DUSP16: variants seen among roughly 807,000 people sequenced by gnomAD.
DUSP16 encodes dual specificity protein phosphatase 16.
In DUSP16, 21 loss-of-function variants were observed where a neutral mutation model predicts 58.3. The observed-to-expected ratio is 0.36, with a 90% CI of 0.26 to 0.52. The LOEUF (loss-of-function observed/expected upper bound fraction) is 0.52. Among genes scored for constraint, DUSP16 ranks in the 20% least tolerant of loss-of-function variants. The pLI is 0.94. For synonymous variants in DUSP16, 320 were observed against 323.8 expected (o/e 0.99, Z 0.12); for missense variants, 726 against 819.0 (o/e 0.89, Z 1.39).
At chr12:12,557,604 T>A (rs907705797) in intron 1 of DUSP16, among the ~76,000 whole-genome samples, 2 of 152,218 alleles carry the variant, frequency 1.3e-5, no homozygotes, top group Non-Finnish European at 2.9e-5. Flanking sequence ...CACATGAATA[T>A]TAAAAAGTTA....
At chr12:12,514,899 T>A (rs1181534795) in intron 3 of DUSP16, among the ~76,000 whole-genome samples, 1 of 152,162 alleles carries the variant, frequency 6.6e-6, no homozygotes, top group East Asian at 1.9e-4. Flanking sequence ...GCTCAAGTGA[T>A]CCTCCTGCCT....
intron 1 of DUSP16, among the ~76,000 whole-genome samples, chr12:12,541,855 A>G (rs1944564306): frequency 6.6e-6 from 1 of 152,238 alleles, no homozygotes; most frequent in Non-Finnish European, 1.5e-5. Context: ...GGACCCACAA[A>G]AACTTGTATA....
At chr12:12,543,045 T>A (rs1944589613) in intron 1 of DUSP16, among the ~76,000 whole-genome samples, 1 of 152,150 alleles carries the variant, frequency 6.6e-6, no homozygotes, top group South Asian at 2.1e-4. Context: ...GATCTCAGAC[T>A]TTTAGCCTTC....
chr12:12,538,645 T>C (rs1392277250), intron 1 of DUSP16, among the ~76,000 whole-genome samples: 1 of 152,200 alleles, frequency 6.6e-6, no homozygotes, highest in Admixed American at 6.5e-5. Flanking sequence ...TGGGTGTGGC[T>C]GTGGAGAGTT....
At chr12:12,539,751 TAAAAAAAA>T (rs71061077) in intron 1 of DUSP16, among the ~76,000 whole-genome samples, 1 of 139,528 alleles carries the variant, frequency 7.2e-6, no homozygotes, top group African/African-American at 2.7e-5. Context: ...AGCAGTTATT[TAAAAAAAA>T]AAAAAAAAAG....
intron 3 of DUSP16, among the ~76,000 whole-genome samples, chr12:12,509,353 AT>A (rs1944043253): frequency 6.8e-6 from 1 of 147,098 alleles, no homozygotes; most frequent in Non-Finnish European, 1.5e-5. Flanking sequence ...CTATAGCAGT[AT>A]GGTCCCAAAA....
At chr12:12,544,375 G>C (rs1465075489) in intron 1 of DUSP16, among the ~76,000 whole-genome samples, 4 of 152,132 alleles carry the variant, frequency 2.6e-5, no homozygotes, top group Non-Finnish European at 5.9e-5. Context: ...TGGACATGTG[G>C]GTTGTTTCCA....
chr12:12,536,253 A>G (rs990224147), intron 1 of DUSP16, among the ~76,000 whole-genome samples: 5 of 152,240 alleles, frequency 3.3e-5, no homozygotes, highest in African/African-American at 4.8e-5. Context: ...TGTCATGGGC[A>G]CTGAAAGTAC....
At chr12:12,526,807 C>T (rs1944314308) in intron 1 of DUSP16, among the ~76,000 whole-genome samples, 1 of 152,144 alleles carries the variant, frequency 6.6e-6, no homozygotes, top group Admixed American at 6.5e-5. Flanking sequence ...CGCTCACACA[C>T]ACAATTTTTT....
intron 3 of DUSP16, among the ~76,000 whole-genome samples, chr12:12,506,949 G>A (rs1186920349): frequency 6.6e-6 from 1 of 152,114 alleles, no homozygotes; most frequent in Non-Finnish European, 1.5e-5. Flanking sequence ...TCCTAATTCA[G>A]CCATGAAAAC....
chr12:12,476,826 T>A lies in DUSP16; in HGVS notation c.*7A>T. The A allele has an allele frequency of 6.4e-7, 1 of 1,570,500 alleles. No individual in the cohort carries two copies. Among genetic ancestry groups the A allele is most frequent in the Non-Finnish European group, 8.6e-7 (1 of 1,164,954 alleles). On this transcript the variant is annotated 3_prime_UTR_variant, in exon 7 of 7. Coordinates refer to ENST00000298573, the MANE Select transcript of DUSP16 (RefSeq NM_030640.3). ...ATTGTCTATAGAAGTCACAAGTGTCTTTCTTCTCAGGAGACCTCAATGATT... is the reference window on the plus strand; with the variant it reads ...ATTGTCTATAGAAGTCACAAGTGTCATTCTTCTCAGGAGACCTCAATGATT...
chr12:12,531,477 A>G (rs1162024923), intron 1 of DUSP16, among the ~76,000 whole-genome samples: 2 of 152,280 alleles, frequency 1.3e-5, no homozygotes, highest in East Asian at 3.9e-4. Context: ...GAATTTTTCC[A>G]ATGCCAAAAG....
intron 5 of DUSP16, among the ~76,000 whole-genome samples, chr12:12,481,760 CAAGT>C (rs901597734): frequency 3.9e-5 from 6 of 152,102 alleles, no homozygotes; most frequent in Admixed American, 2.6e-4. Context: ...GCATGCTATA[CAAGT>C]AAGAACATAT....
rs555110929 is a variant in DUSP16 at position 12,536,952 on chromosome 12, T to C, written c.-365-15489A>G. 3.3e-5 allele frequency among the ~76,000 whole-genome samples: 5 copies of C among 151,984 alleles called. 1 individual carries two copies. Among genetic ancestry groups the C allele is most frequent in the South Asian group, 2.1e-4 (1 of 4,818 alleles). On this transcript the variant is annotated intron_variant, in intron 1 of 6. Transcript: ENST00000298573. Reference sequence around the variant, plus strand: ...TACTCGGGAGGCTGAGGCAGGAGAATTGCTTGAACCCAGGAAGTGGAGGTT... The same window carrying C: ...TACTCGGGAGGCTGAGGCAGGAGAACTGCTTGAACCCAGGAAGTGGAGGTT...
At position 12,500,586 on chromosome 12, in the gene DUSP16, G is replaced by C; in HGVS notation, c.464C>G (p.Ala155Gly). The change falls in exon 4 of 7, where the codon GCC becomes GGC. Residue 155 changes from alanine to glycine, a missense_variant. Transcript: ENST00000298573. ...AAGAATTCGGGTTGGCCCAATGTTGGCAACAGGTAAGCAAGGCTGAGAAAT... is the reference window on the plus strand; with the variant it reads ...AAGAATTCGGGTTGGCCCAATGTTGCCAACAGGTAAGCAAGGCTGAGAAAT... ...TCISQPCLPV[A>G]NIGPTRILPN... is the part of the protein sequence containing the mutation. 1.2e-6 allele frequency: 2 copies of C among 1,612,224 alleles called. No homozygotes were observed. The highest frequency in any genetic ancestry group is 1.1e-5 in the South Asian group (1 of 90,606).
chr12:12,519,174 T>C (rs1314454732), intron 3 of DUSP16, among the ~76,000 whole-genome samples: 1 of 152,220 alleles, frequency 6.6e-6, no homozygotes, highest in Non-Finnish European at 1.5e-5. Flanking sequence ...CTTTGGAATT[T>C]GATGGGATTA....
At chr12:12,502,873 A>C (rs1943929458) in intron 3 of DUSP16, among the ~76,000 whole-genome samples, 1 of 151,912 alleles carries the variant, frequency 6.6e-6, no homozygotes. Flanking sequence ...GTTATTTCAC[A>C]TTTCCATGCC....
intron 6 of DUSP16, 132 bp downstream of exon 6, chr12:12,480,091 A>C: frequency 8.0e-7 from 1 of 1,249,350 alleles, no homozygotes; most frequent in East Asian, 2.4e-5. Flanking sequence ...CCATTAAAAA[A>C]TCCACAGTAA....
chr12:12,518,342 G>A (rs917944135), intron 3 of DUSP16, among the ~76,000 whole-genome samples: 7 of 151,872 alleles, frequency 4.6e-5, no homozygotes, highest in African/African-American at 7.3e-5. Flanking sequence ...GGTGAAACCC[G>A]GTCTCTACTA....
Sources: gnomAD v4.1 joint callset for allele counts (sites outside exome capture counted in the v4.1 genomes callset) on GRCh38, gnomAD v4.1.1 for gene constraint, MANE v1.5 for transcripts, NCBI Gene and HGNC (gene_info 2026-07-23, HGNC 2026-07-21) for gene names.